ADGRL2: variants seen among roughly 807,000 people sequenced by gnomAD.
ADGRL2 encodes adhesion G protein-coupled receptor L2.
Under a neutral mutation model 157.4 loss-of-function variants are expected in ADGRL2, and 44 were observed. The observed-to-expected ratio is 0.28, with a 90% confidence interval of 0.22 to 0.36. The LOEUF (loss-of-function observed/expected upper bound fraction) is 0.36, where lower values mean the gene tolerates loss of function less well. Among genes scored for constraint, ADGRL2 ranks in the 10% least tolerant of loss-of-function variants. The pLI is 1.00. For missense variants in ADGRL2, 1,510 were observed against 1,768.9 expected (o/e 0.85, Z 2.63); for synonymous variants, 585 against 624.7 (o/e 0.94, Z 0.95).
chr1:81,649,666 C>T (rs979293125), intron 3 of ADGRL2, among the ~76,000 whole-genome samples: 3 of 152,148 alleles, frequency 2.0e-5, no homozygotes, highest in African/African-American at 7.2e-5. Context: ...GTGCTAAATA[C>T]AAGTATTATT....
At chr1:81,438,826 G>A (rs1242205554) in intron 1 of ADGRL2, among the ~76,000 whole-genome samples, 2 of 152,088 alleles carry the variant, frequency 1.3e-5, no homozygotes. Context: ...TACTCAGGAT[G>A]AAGTCCAAAA....
In ADGRL2 at chr1:81,427,250, G is replaced by T. The variant is rs559999258; in HGVS notation, c.-301-17786G>T. On this transcript the variant is annotated intron_variant, in intron 1 of 24. Transcript: ENST00000370721. ...CTATGCTGGTGGAGGTGGTGGCAGC[G>T]GAAATAGTTATGAAGGAGGTGATGG... 18 of 755,938 alleles carry T rather than the reference G, an allele frequency of 2.4e-5. No homozygotes were observed. In the African/African-American group the frequency reaches 2.7e-4, roughly 11 times the overall value. 46.8% of individuals were successfully genotyped at this position (755,938 alleles called of 1,614,324 possible). A position where few individuals can be genotyped will look rare whatever the true frequency, so the allele number is the denominator to read the frequency against.
chr1:81,752,617 G>T (rs1260998720), intron 1 of ADGRL2, among the ~76,000 whole-genome samples: 1 of 152,042 alleles, frequency 6.6e-6, no homozygotes, highest in Non-Finnish European at 1.5e-5. Context: ...CAACATTCCT[G>T]GTCTCAGGTG....
At chr1:81,647,602 G>A (rs1271336054) in intron 3 of ADGRL2, among the ~76,000 whole-genome samples, 1 of 152,114 alleles carries the variant, frequency 6.6e-6, no homozygotes, top group Non-Finnish European at 1.5e-5. Context: ...TTTAGACTTT[G>A]GTCCCATCCT....
At chr1:81,473,982 C>G (rs770304223) in intron 2 of ADGRL2, among the ~76,000 whole-genome samples, 2 of 152,160 alleles carry the variant, frequency 1.3e-5, no homozygotes, top group Non-Finnish European at 2.9e-5. Flanking sequence ...AGGCCTGTTG[C>G]AGTTGGAAAG....
Position 81,431,947 on chromosome 1 carries a change from G to C in ADGRL2, c.-301-13089G>C, listed in dbSNP as rs2077330063. Among the ~76,000 whole-genome samples, 4 of 152,294 alleles carry C rather than the reference G, an allele frequency of 2.6e-5. No individual in the cohort carries two copies. The South Asian group carries it at 8.3e-4, about 32-fold the overall frequency. On this transcript the variant is annotated intron_variant, in intron 1 of 24. Coordinates refer to the ADGRL2 transcript ENST00000370721. ...CTTTAAACAGAATGAAATGCCGGGA[G>C]GGAGAGAGGTTCGGGGGTGTTGTAT...
intron 1 of ADGRL2, among the ~76,000 whole-genome samples, chr1:81,354,860 T>G (rs1663163797): frequency 6.6e-6 from 1 of 152,218 alleles, no homozygotes; most frequent in Non-Finnish European, 1.5e-5. Flanking sequence ...TTTATTTAAC[T>G]AATTAAAATC....
intron 1 of ADGRL2, among the ~76,000 whole-genome samples, chr1:81,324,709 G>C (rs1660770134): frequency 6.6e-6 from 1 of 151,988 alleles, no homozygotes; most frequent in Non-Finnish European, 1.5e-5. Flanking sequence ...CCTGAGCTAA[G>C]GGGGAGGTGA....
chr1:81,639,182 G>T (rs1000364941), intron 3 of ADGRL2, among the ~76,000 whole-genome samples: 1 of 152,134 alleles, frequency 6.6e-6, no homozygotes, highest in Non-Finnish European at 1.5e-5. Context: ...CCATTCTCCT[G>T]CCTCAGGCTC....
intron 2 of ADGRL2, among the ~76,000 whole-genome samples, chr1:81,511,122 T>C (rs2079067489): frequency 6.6e-6 from 1 of 152,060 alleles, no homozygotes; most frequent in South Asian, 2.1e-4. Context: ...TTACATTATA[T>C]CTATAACAAT....
chr1:81,565,953 A>G (rs1325592073), intron 2 of ADGRL2, among the ~76,000 whole-genome samples: 1 of 152,180 alleles, frequency 6.6e-6, no homozygotes, highest in African/African-American at 2.4e-5. Context: ...GGCTATGTGG[A>G]ATAGATTTGG....
intron 1 of ADGRL2, among the ~76,000 whole-genome samples, chr1:81,411,385 C>G (rs1244639156): frequency 6.6e-6 from 1 of 152,128 alleles, no homozygotes; most frequent in Non-Finnish European, 1.5e-5. Context: ...TGATGCCAGT[C>G]ACATTCACAC....
intron 3 of ADGRL2, among the ~76,000 whole-genome samples, chr1:81,642,268 A>T (rs888490954): frequency 3.1e-4 from 46 of 150,644 alleles, no homozygotes; most frequent in African/African-American, 1.1e-3. Context: ...AAAAAAAAAA[A>T]AATTAGCCAG....
chr1:81,590,570 G>A (rs1189314613), intron 3 of ADGRL2, among the ~76,000 whole-genome samples: 1 of 152,044 alleles, frequency 6.6e-6, no homozygotes, highest in Non-Finnish European at 1.5e-5. Context: ...CCTGGTTTAA[G>A]AAGGACTGTG....
chr1:81,791,792 A>ACC (rs2087359998), intron 2 of ADGRL2, among the ~76,000 whole-genome samples: 6 of 152,312 alleles, frequency 3.9e-5, no homozygotes, highest in Admixed American at 3.9e-4. Context: ...AAGTTGGAAA[A>ACC]TTATTCCTTG....
chr1:81,782,369 AG>A (rs1408069897), intron 2 of ADGRL2, among the ~76,000 whole-genome samples: 1 of 152,214 alleles, frequency 6.6e-6, no homozygotes, highest in Admixed American at 6.5e-5. Flanking sequence ...TTATTTTATC[AG>A]TATAATATAT....
At chr1:81,927,362 T>G (rs1021586762) in intron 3 of ADGRL2, among the ~76,000 whole-genome samples, 2 of 152,048 alleles carry the variant, frequency 1.3e-5, no homozygotes, top group Admixed American at 1.3e-4. Flanking sequence ...CTTATGATTA[T>G]CATTTTAATA....
intron 1 of ADGRL2, chr1:81,722,624 A>C (rs1194418224): frequency 1.1e-5 from 16 of 1,422,792 alleles, no homozygotes; most frequent in Non-Finnish European, 1.6e-5. Flanking sequence ...CTTGCCTGTA[A>C]ATTGGATTAC....
intron 3 of ADGRL2, among the ~76,000 whole-genome samples, chr1:81,628,499 C>T (rs951082702): frequency 3.3e-5 from 5 of 152,148 alleles, no homozygotes; most frequent in East Asian, 1.9e-4. Context: ...GAGCCAGTCA[C>T]TCAATACGTT....
Sources: allele counts gnomAD v4.1 joint callset (sites outside exome capture counted in the v4.1 genomes callset), GRCh38; gene constraint gnomAD v4.1.1; transcripts MANE v1.5; gene names NCBI Gene and HGNC (gene_info 2026-07-23, HGNC 2026-07-21).